Variants in NTM observed in about 807,000 individuals in gnomAD.
NTM encodes the protein IgLON family member 2.
A neutral mutation model predicts 42.1 loss-of-function variants in NTM; 13 were observed. The ratio of observed to expected loss-of-function variants is 0.31; its 90% CI spans 0.20 to 0.49. The LOEUF (loss-of-function observed/expected upper bound fraction) is 0.49, where lower values mean the gene tolerates loss of function less well. Ranked by LOEUF, NTM falls within the 20% of genes least tolerant of loss-of-function variation. The pLI, the probability that NTM is intolerant of heterozygous loss-of-function variation, is 0.99. For synonymous variants in NTM, 187 were observed against 179.2 expected, an observed-to-expected ratio of 1.04 and a Z score of -0.35; for missense variants, 373 against 452.8, an observed-to-expected ratio of 0.82 and a Z score of 1.60.
intron 1 of NTM, among the ~76,000 whole-genome samples, chr11:131,453,082 A>G (rs1950603674): frequency 6.6e-6 from 1 of 152,216 alleles, no homozygotes; most frequent in Non-Finnish European, 1.5e-5. Flanking sequence ...TTTCAGGGCC[A>G]TGGATGCTTT....
chr11:132,031,481 T>C (rs1282422359), intron 2 of NTM, among the ~76,000 whole-genome samples: 1 of 152,172 alleles, frequency 6.6e-6, no homozygotes, highest in East Asian at 1.9e-4. Context: ...CTTCTGGATT[T>C]GTTTTTCAGG....
chr11:132,268,003 C>G (rs1193701507), intron 4 of NTM, among the ~76,000 whole-genome samples: 1 of 152,122 alleles, frequency 6.6e-6, no homozygotes, highest in Non-Finnish European at 1.5e-5. Context: ...CACTGCCTTT[C>G]ATGTTCCTGT....
intron 1 of NTM, among the ~76,000 whole-genome samples, chr11:131,528,782 C>G (rs1411278069): frequency 6.6e-6 from 1 of 152,212 alleles, no homozygotes; most frequent in Non-Finnish European, 1.5e-5. Flanking sequence ...CCAGAATTCT[C>G]TTCTACATCT....
At chr11:132,122,311 A>T (rs1362613877) in intron 2 of NTM, among the ~76,000 whole-genome samples, 1 of 152,172 alleles carries the variant, frequency 6.6e-6, no homozygotes, top group Non-Finnish European at 1.5e-5. Flanking sequence ...GGACACTTGG[A>T]GGGGTAGACG....
intron 1 of NTM, among the ~76,000 whole-genome samples, chr11:131,897,755 C>T (rs2052531101): frequency 6.6e-6 from 1 of 152,140 alleles, no homozygotes; most frequent in Non-Finnish European, 1.5e-5. Flanking sequence ...AATCCATCCA[C>T]TTTTTTTGTT....
intron 1 of NTM, among the ~76,000 whole-genome samples, chr11:131,770,359 G>A (rs1040902990): frequency 2.6e-5 from 4 of 152,182 alleles, no homozygotes; most frequent in Non-Finnish European, 4.4e-5. Context: ...TAGGCTTAGA[G>A]AGCTGGAGTC....
chr11:132,060,347 G>A (rs918621343), intron 2 of NTM, among the ~76,000 whole-genome samples: 1 of 152,216 alleles, frequency 6.6e-6, no homozygotes, highest in African/African-American at 2.4e-5. Context: ...AAGACAAGGA[G>A]ACATTATCCT....
intron 1 of NTM, among the ~76,000 whole-genome samples, chr11:131,621,388 G>A (rs916145471): frequency 1.3e-5 from 2 of 152,114 alleles, no homozygotes; most frequent in African/African-American, 2.4e-5. Flanking sequence ...GTTCCTGGGG[G>A]CATCTCCGGA....
intron 4 of NTM, among the ~76,000 whole-genome samples, chr11:132,272,079 C>G (rs1288931463): frequency 6.6e-6 from 1 of 152,000 alleles, no homozygotes; most frequent in Non-Finnish European, 1.5e-5. Context: ...CAACTTTATT[C>G]TTTTGCATGT....
At chr11:132,195,468 A>C (rs1566440072) in intron 3 of NTM, among the ~76,000 whole-genome samples, 1 of 149,426 alleles carries the variant, frequency 6.7e-6, no homozygotes, top group East Asian at 1.9e-4. Flanking sequence ...TCTATATAGA[A>C]CCAAAAAAAA....
At chr11:132,028,638 C>G (rs1479602411) in intron 2 of NTM, among the ~76,000 whole-genome samples, 1 of 152,122 alleles carries the variant, frequency 6.6e-6, no homozygotes, top group African/African-American at 2.4e-5. Context: ...GCGCCGTGAG[C>G]TTCACAAGTG....
intron 7 of NTM, among the ~76,000 whole-genome samples, chr11:132,326,021 G>T (rs1038034834): frequency 6.6e-6 from 1 of 151,524 alleles, no homozygotes; most frequent in African/African-American, 2.4e-5. Context: ...CTGTTGTGGG[G>T]TGGGGGGACG....
intron 2 of NTM, among the ~76,000 whole-genome samples, chr11:132,097,488 CAG>C (rs1367973741): frequency 1.3e-5 from 2 of 152,216 alleles, no homozygotes; most frequent in African/African-American, 2.4e-5. Flanking sequence ...CGTCCTGTGT[CAG>C]GCCTCAGAAA....
chr11:131,940,142 T>C (rs1246349270), intron 2 of NTM, among the ~76,000 whole-genome samples: 1 of 152,234 alleles, frequency 6.6e-6, no homozygotes, highest in East Asian at 1.9e-4. Flanking sequence ...GGGATGACGA[T>C]TCTGCAGAGA....
chr11:132,136,681 A>T (rs144601008), intron 2 of NTM, among the ~76,000 whole-genome samples: 2 of 152,168 alleles, frequency 1.3e-5, no homozygotes, highest in Non-Finnish European at 2.9e-5. Flanking sequence ...TGGCAGCTGC[A>T]TGTGGTCTGG....
rs1373312065 is a variant in NTM, at chr11:132,146,892, C to T, written c.400+378C>T. ...AGACTGTGTTATGTTTAAAACCAGA[C>T]TTTTAATGCACTTTTGGAAGTACAG... On this transcript the variant is annotated intron_variant, in intron 3 of 8. Transcript: ENST00000683400. This position sits in a 1 kb window ranked among gnomAD's most constrained non-coding sequence, Gnocchi z 4.5. 4.4e-6 allele frequency: 1 copy of T among 226,680 alleles called. No homozygotes were observed. The highest frequency in any genetic ancestry group is 2.3e-5 in the African/African-American group (1 of 42,928). 14.0% of individuals were successfully genotyped at this position (226,680 alleles called of 1,614,324 possible). A position where few individuals can be genotyped will look rare whatever the true frequency, so the allele number is the denominator to read the frequency against.
At chr11:132,073,517 T>G (rs1255836172) in intron 2 of NTM, among the ~76,000 whole-genome samples, 1 of 152,168 alleles carries the variant, frequency 6.6e-6, no homozygotes, top group Non-Finnish European at 1.5e-5. Context: ...CTCCACCTTC[T>G]TTCCAAAAAA....
At chr11:131,884,924 T>C (rs1176966327) in intron 1 of NTM, among the ~76,000 whole-genome samples, 2 of 152,138 alleles carry the variant, frequency 1.3e-5, no homozygotes, top group African/African-American at 4.8e-5. Context: ...CAGCATACCA[T>C]GAGGCAGGGG....
intron 2 of NTM, among the ~76,000 whole-genome samples, chr11:131,950,976 C>T (rs1428343357): frequency 6.6e-6 from 1 of 152,084 alleles, no homozygotes; most frequent in South Asian, 2.1e-4. Flanking sequence ...TGCACAGTGC[C>T]CTGGACATTG....
Sources: gnomAD v4.1 joint callset for allele counts (sites outside exome capture counted in the v4.1 genomes callset) on GRCh38, gnomAD v4.1.1 for gene constraint, Gnocchi (gnomAD v3.1) non-coding constraint, MANE v1.5 for transcripts, NCBI Gene and HGNC (gene_info 2026-07-23, HGNC 2026-07-21) for gene names.